SRPK2: variants seen among roughly 807,000 people sequenced by gnomAD.
The protein encoded by SRPK2 is SRSF protein kinase 2.
A neutral mutation model predicts 90.8 loss-of-function variants in SRPK2; 21 were observed. That is an observed-to-expected ratio of 0.23 (90% confidence interval 0.16 to 0.33). The LOEUF is 0.33. Ranked by LOEUF, SRPK2 falls within the 10% of genes least tolerant of loss-of-function variation. The pLI is 1.00. For missense variants in SRPK2, 620 were observed against 869.0 expected, an observed-to-expected ratio of 0.71 and a Z score of 3.60; for synonymous variants, 288 against 311.1, an observed-to-expected ratio of 0.93 and a Z score of 0.78.
In SRPK2 at chr7:105,212,622, A is replaced by G. The variant is rs189207406; in HGVS notation, c.72-8837T>C. Among the ~76,000 whole-genome samples, 423 of 152,344 alleles carry G rather than the reference A, an allele frequency of 2.8e-3. 4 individuals carry two copies. The highest frequency in any genetic ancestry group is 9.9e-3 in the African/African-American group (411 of 41,580). ...GGGCTCTATCCCTGAGGCAAGTAGT[A>G]GCCACTGAAATGCAACCATAGAAAC... On this transcript the variant is annotated intron_variant, in intron 2 of 15. Transcript: ENST00000393651.
At chr7:105,306,578 AAAGAAAAAACAGTCATG>A (rs1811170716) in intron 2 of SRPK2, 1 of 425,250 alleles carries the variant, frequency 2.4e-6, no homozygotes, top group South Asian at 1.7e-5. Flanking sequence ...CCACCTGAAC[AAAGAAAAAACAGTCATG>A]AAGAAAAAAC....
At chr7:105,362,122 T>G (rs554837550) in intron 2 of SRPK2, among the ~76,000 whole-genome samples, 1 of 151,622 alleles carries the variant, frequency 6.6e-6, no homozygotes, top group South Asian at 2.1e-4. Context: ...TTAAACAAAT[T>G]TACCAGAAAA....
At chr7:105,186,945 T>G (rs923700727) in intron 3 of SRPK2, among the ~76,000 whole-genome samples, 9 of 152,176 alleles carry the variant, frequency 5.9e-5, no homozygotes, top group Admixed American at 1.3e-4. Context: ...AGGGGCCAGA[T>G]GTAAGCTTTC....
At chr7:105,160,466 A>G (rs995827227) in intron 7 of SRPK2, 41 bp downstream of exon 7, 15 of 1,193,188 alleles carry the variant, frequency 1.3e-5, no homozygotes, top group Admixed American at 3.5e-5. Flanking sequence ...AGCCTAACCA[A>G]TTAGGTACTA....
intron 2 of SRPK2, chr7:105,297,601 AAGG>A (rs1209267253): frequency 1.8e-6 from 1 of 546,564 alleles, no homozygotes; most frequent in Non-Finnish European, 2.3e-6. Context: ...AATTACCTAA[AAGG>A]TCTTCCGAGA....
In SRPK2 at chr7:105,329,867, T is replaced by C. The variant is rs561173337; in HGVS notation, c.71+58781A>G. Among the ~76,000 whole-genome samples, 11 of 146,626 alleles carry C rather than the reference T, an allele frequency of 7.5e-5. No individual in the cohort carries two copies. The East Asian group carries it at 2.0e-3, about 27-fold the overall frequency. On this transcript the variant is annotated intron_variant, in intron 2 of 15. Coordinates refer to ENST00000393651, the MANE Select transcript of SRPK2 (RefSeq NM_182692.3). ...CAACATGGTGAAACCCCGTCTCTAC[T>C]AAAAAAAAAATACAAAAATTAGCCG...
intron 2 of SRPK2, among the ~76,000 whole-genome samples, chr7:105,259,808 G>T (rs1803940944): frequency 6.6e-6 from 1 of 152,030 alleles, no homozygotes; most frequent in Non-Finnish European, 1.5e-5. Context: ...TTTAATAAAT[G>T]GTGCTGGGAA....
intron 2 of SRPK2, among the ~76,000 whole-genome samples, chr7:105,285,621 G>A (rs1029369920): frequency 6.6e-6 from 1 of 152,134 alleles, no homozygotes; most frequent in African/African-American, 2.4e-5. Flanking sequence ...CCGCATGAAT[G>A]GCTTAGCATT....
intron 2 of SRPK2, among the ~76,000 whole-genome samples, chr7:105,285,779 C>CG (rs757589838): frequency 6.6e-6 from 1 of 152,180 alleles, no homozygotes; most frequent in South Asian, 2.1e-4. Context: ...TGTAAGGTTC[C>CG]TGTGGCCTCA....
intron 2 of SRPK2, among the ~76,000 whole-genome samples, chr7:105,210,449 T>C (rs190651673): frequency 3.4e-4 from 52 of 152,316 alleles, no homozygotes; most frequent in African/African-American, 1.2e-3. Flanking sequence ...TAATTAATAG[T>C]AGAATCGGTC....
chr7:105,316,322 CTGTGCA>C (rs1419192503), intron 2 of SRPK2, among the ~76,000 whole-genome samples: 3 of 152,260 alleles, frequency 2.0e-5, no homozygotes, highest in African/African-American at 7.2e-5. Context: ...TCTCAAATTA[CTGTGCA>C]TTAAGGCCTA....
chr7:105,304,984 A>G (rs1056832122), intron 2 of SRPK2, among the ~76,000 whole-genome samples: 13 of 152,228 alleles, frequency 8.5e-5, no homozygotes, highest in African/African-American at 3.1e-4. Flanking sequence ...CTGACCTAAC[A>G]AAGATAAAAA....
At position 105,351,028 on chromosome 7, in the gene SRPK2, C is replaced by G. The variant is rs184184054; in HGVS notation, c.71+37620G>C. ...TCTGAAACTCACGTTAAAACTTAAT[C>G]CCCAATGTGGGTATTATGAGGCAGG... is the stretch of plus-strand genomic sequence containing the variant. On this transcript the variant is annotated intron_variant, in intron 2 of 15. Coordinates refer to ENST00000393651, the MANE Select transcript of SRPK2 (RefSeq NM_182692.3). Among the ~76,000 whole-genome samples the G allele has an allele frequency of 5.4e-3, 825 of 152,250 alleles. 3 individuals are homozygous for G. Among genetic ancestry groups the G allele is most frequent in the Non-Finnish European group, 9.6e-3 (654 of 68,018 alleles).
At chr7:105,350,553 A>C (rs1817055014) in intron 2 of SRPK2, among the ~76,000 whole-genome samples, 1 of 105,662 alleles carries the variant, frequency 9.5e-6, no homozygotes, top group African/African-American at 3.6e-5. Context: ...TTTGAGACGG[A>C]ATCTCTGTCA....
rs911671619 is a variant in SRPK2 at position 105,170,975 on chromosome 7, A to G, written c.230-1710T>C. On this transcript the variant is annotated intron_variant, in intron 3 of 15. Transcript: ENST00000393651. ...AGAAAGAAAGAAAGAAAGAGAAAGA[A>G]AGAGAAAGAAAGAAAGAAAGAGAAA... 2.7e-4 allele frequency among the ~76,000 whole-genome samples: 15 copies of G among 56,268 alleles called. 1 individual carries two copies. Among genetic ancestry groups the G allele is most frequent in the Admixed American group, 4.7e-4 (3 of 6,356 alleles). 36.9% of individuals were successfully genotyped at this position (56,268 alleles called of 152,430 possible).
At chr7:105,329,486 G>C (rs922327889) in intron 2 of SRPK2, among the ~76,000 whole-genome samples, 2 of 151,944 alleles carry the variant, frequency 1.3e-5, no homozygotes, top group African/African-American at 2.4e-5. Flanking sequence ...TCAGCTACTC[G>C]GGAGGCTGAG....
intron 2 of SRPK2, among the ~76,000 whole-genome samples, chr7:105,215,208 A>C (rs1478565296): frequency 1.3e-5 from 2 of 152,230 alleles, no homozygotes; most frequent in Non-Finnish European, 2.9e-5. Context: ...CAAAGTCCTA[A>C]ATATAAGAGC....
At chr7:105,392,556 G>A (rs745361169), upstream of SRPK2, among the ~76,000 whole-genome samples, 15 of 152,038 alleles carry the variant, frequency 9.9e-5, no homozygotes, top group Non-Finnish European at 1.8e-4. Context: ...CTCTGTTGCC[G>A]AGGCTGGAGT....
chr7:105,311,726 G>T (rs1447911457), intron 2 of SRPK2, among the ~76,000 whole-genome samples: 20 of 152,172 alleles, frequency 1.3e-4, no homozygotes, highest in Admixed American at 1.3e-3. Context: ...TGGAACCCTT[G>T]TACGTTGCTG....
Sources: gnomAD v4.1 joint callset for allele counts (sites outside exome capture counted in the v4.1 genomes callset) on GRCh38, gnomAD v4.1.1 for gene constraint, MANE v1.5 for transcripts, NCBI Gene and HGNC (gene_info 2026-07-23, HGNC 2026-07-21) for gene names.